The following CSMD1 variants were observed in gnomAD, a reference collection of about 807,000 sequenced individuals.
CSMD1 encodes the protein CUB and Sushi multiple domains 1.
Under a neutral mutation model 417.5 loss-of-function variants are expected in CSMD1, and 213 were observed. That is an observed-to-expected ratio of 0.51 (90% CI 0.46 to 0.57). The LOEUF is 0.57. Ranked by LOEUF, CSMD1 falls within the 20% of genes least tolerant of loss-of-function variation. CSMD1 has a pLI of 0.00. For missense variants in CSMD1, 6,923 were observed against 4,529.7 expected, an observed-to-expected ratio of 1.53 and a Z score of -15.17; for synonymous variants, 2,862 against 1,736.8, an observed-to-expected ratio of 1.65 and a Z score of -16.11.
At chr8:4,715,998 G>A in intron 1 of CSMD1, among the ~76,000 whole-genome samples, 1 of 152,124 alleles carries the variant, frequency 6.6e-6, no homozygotes, top group East Asian at 1.9e-4. Flanking sequence ...TCTTACCAGT[G>A]GTCCAAAGAG....
chr8:4,450,422 T>C (rs181933511), intron 2 of CSMD1, among the ~76,000 whole-genome samples: 177 of 152,218 alleles, frequency 1.2e-3, no homozygotes, highest in African/African-American at 3.8e-3. Flanking sequence ...GGTCAAGAAA[T>C]GGAGACCATC....
intron 26 of CSMD1, among the ~76,000 whole-genome samples, chr8:3,250,514 A>C (rs1424559540): frequency 6.6e-6 from 1 of 152,180 alleles, no homozygotes; most frequent in South Asian, 2.1e-4. Context: ...TGCCGCAATA[A>C]ACATACGTAT....
At chr8:3,546,664 A>T (rs926433965) in intron 10 of CSMD1, among the ~76,000 whole-genome samples, 1 of 152,238 alleles carries the variant, frequency 6.6e-6, no homozygotes, top group African/African-American at 2.4e-5. Context: ...TTACTCATCA[A>T]TGGGTAAAGA....
At chr8:4,013,421 T>C (rs774857572) in intron 4 of CSMD1, among the ~76,000 whole-genome samples, 47 of 152,112 alleles carry the variant, frequency 3.1e-4, no homozygotes, top group South Asian at 6.2e-4. Flanking sequence ...TCATTAGAGG[T>C]CCAAATATTC....
chr8:3,723,756 C>A, intron 6 of CSMD1, among the ~76,000 whole-genome samples: 1 of 152,126 alleles, frequency 6.6e-6, no homozygotes, highest in Non-Finnish European at 1.5e-5. Flanking sequence ...GATACAGACA[C>A]TAACATTTGA....
chr8:4,220,216 G>A (rs1014075147), intron 3 of CSMD1, among the ~76,000 whole-genome samples: 1 of 152,154 alleles, frequency 6.6e-6, no homozygotes, highest in Non-Finnish European at 1.5e-5. Flanking sequence ...CTCTCAGAGT[G>A]CCGGGATTAG....
chr8:4,268,553 T>C (rs1804368302), intron 3 of CSMD1, among the ~76,000 whole-genome samples: 1 of 152,148 alleles, frequency 6.6e-6, no homozygotes, highest in Non-Finnish European at 1.5e-5. Flanking sequence ...TTCACTTACT[T>C]GAAAGATTAG....
rs547009726 is a variant in CSMD1 at position 4,696,301 on chromosome 8, A to C, written c.86-58743T>G. ...AAGTACTCTGTGTCCATTTATTGGG[A>C]TATTTGGTAGCAATAACTTTCAAAG... is the stretch of plus-strand genomic sequence containing the variant. On this transcript the variant is annotated intron_variant, in intron 1 of 69. Transcript: ENST00000635120. Among the ~76,000 whole-genome samples, 8 of 152,322 alleles carry C rather than the reference A, an allele frequency of 5.3e-5. No individual in the cohort carries two copies. In the South Asian group the frequency reaches 1.7e-3, roughly 32 times the overall value.
At chr8:4,799,086 C>T (rs925186145) in intron 1 of CSMD1, among the ~76,000 whole-genome samples, 3 of 152,106 alleles carry the variant, frequency 2.0e-5, no homozygotes, top group Non-Finnish European at 4.4e-5. Context: ...GCCGACCCTG[C>T]GCATCTTTCC....
chr8:4,464,764 G>A (rs59171014), intron 2 of CSMD1, among the ~76,000 whole-genome samples: 14,622 of 152,168 alleles, frequency 0.096, 1,047 homozygotes, highest in East Asian at 0.29. Flanking sequence ...GGCGAGTCCT[G>A]CTGAGTGGGG....
chr8:4,245,123 C>T (rs1032717307), intron 3 of CSMD1, among the ~76,000 whole-genome samples: 10 of 152,168 alleles, frequency 6.6e-5, no homozygotes, highest in African/African-American at 2.4e-4. Context: ...ATATTCACTT[C>T]ACACAGAATG....
intron 1 of CSMD1, among the ~76,000 whole-genome samples, chr8:4,783,346 C>G (rs1797248644): frequency 1.3e-5 from 2 of 152,164 alleles, no homozygotes; most frequent in Admixed American, 6.6e-5. Flanking sequence ...AGCGCCACAG[C>G]CTCCTAATCA....
At chr8:4,577,464 G>C (rs143529791) in intron 2 of CSMD1, among the ~76,000 whole-genome samples, 262 of 152,254 alleles carry the variant, frequency 1.7e-3, no homozygotes, top group African/African-American at 5.6e-3. Context: ...CTCCAAGCGT[G>C]CTCCCCTCCT....
At chr8:4,826,050 C>T (rs1799808311) in intron 1 of CSMD1, among the ~76,000 whole-genome samples, 1 of 151,894 alleles carries the variant, frequency 6.6e-6, no homozygotes, top group African/African-American at 2.4e-5. Flanking sequence ...CATGAAACAG[C>T]ACAGCCATTG....
chr8:3,552,827 T>A (rs1462842195), intron 10 of CSMD1, among the ~76,000 whole-genome samples: 2 of 152,172 alleles, frequency 1.3e-5, no homozygotes, highest in African/African-American at 4.8e-5. Flanking sequence ...TAAAATTGTA[T>A]AATTTATATT....
In CSMD1 at chr8:3,558,343, C is replaced by T. The variant is rs996419657; in HGVS notation, c.1344+16602G>A. 2.8e-4 allele frequency among the ~76,000 whole-genome samples: 35 copies of T among 125,194 alleles called. 2 individuals are homozygous for T. The highest frequency in any genetic ancestry group is 5.3e-4 in the African/African-American group (19 of 36,062). 82.1% of individuals were successfully genotyped at this position (125,194 alleles called of 152,430 possible). A position where few individuals can be genotyped will look rare whatever the true frequency, so the allele number is the denominator to read the frequency against. ...GATGAATGATGCCTCAGTAGTACCC[C>T]GTGTCCACTCCTCCAATGATGAATG... is the stretch of plus-strand genomic sequence containing the variant. On this transcript the variant is annotated intron_variant, in intron 10 of 69. Coordinates refer to ENST00000635120, the MANE Select transcript of CSMD1 (RefSeq NM_033225.6).
intron 5 of CSMD1, among the ~76,000 whole-genome samples, chr8:3,754,319 T>G (rs1415629312): frequency 1.3e-5 from 2 of 152,202 alleles, no homozygotes; most frequent in African/African-American, 4.8e-5. Context: ...GAGGTATTCT[T>G]TTGATCTCTT....
chr8:3,834,492 C>T (rs1038636544), intron 5 of CSMD1, among the ~76,000 whole-genome samples: 13 of 152,160 alleles, frequency 8.5e-5, no homozygotes, highest in Non-Finnish European at 1.2e-4. Flanking sequence ...GTCAGTACCT[C>T]GGTACTTAAG....
At chr8:3,325,751 G>C (rs986628993) in intron 23 of CSMD1, among the ~76,000 whole-genome samples, 8 of 152,124 alleles carry the variant, frequency 5.3e-5, no homozygotes, top group African/African-American at 1.7e-4. Context: ...TTGAACCCGG[G>C]AGGCAGAGGT....
Sources: gnomAD v4.1 joint callset for allele counts (sites outside exome capture counted in the v4.1 genomes callset) on GRCh38, gnomAD v4.1.1 for gene constraint, MANE v1.5 for transcripts, NCBI Gene and HGNC (gene_info 2026-07-23, HGNC 2026-07-21) for gene names.